Variants in LGR4 observed in about 807,000 individuals in gnomAD.
The protein encoded by LGR4 is leucine rich repeat containing G protein-coupled receptor 4.
In LGR4, 44 loss-of-function variants were observed where a neutral mutation model predicts 84.8. The observed-to-expected ratio is 0.52, with a 90% CI of 0.41 to 0.67. The LOEUF (loss-of-function observed/expected upper bound fraction) is 0.67. Ranked by LOEUF, LGR4 falls within the 30% of genes least tolerant of loss-of-function variation. LGR4 has a pLI of 0.00. For missense variants in LGR4, 1,032 were observed against 1,131.4 expected (o/e 0.91, Z 1.26); for synonymous variants, 429 against 434.3 (o/e 0.99, Z 0.15).
At chr11:27,423,720 T>G (rs1341164574) in intron 1 of LGR4, among the ~76,000 whole-genome samples, 1 of 152,196 alleles carries the variant, frequency 6.6e-6, no homozygotes, top group Non-Finnish European at 1.5e-5. Flanking sequence ...GTCCTGAATC[T>G]TGGGGAGCAA....
At chr11:27,426,237 G>A (rs1480691012) in intron 1 of LGR4, among the ~76,000 whole-genome samples, 1 of 152,164 alleles carries the variant, frequency 6.6e-6, no homozygotes, top group African/African-American at 2.4e-5. Context: ...GAGCGTTAAC[G>A]ACAGATTTCC....
chr11:27,426,809 A>G (rs1864031372), intron 1 of LGR4, among the ~76,000 whole-genome samples: 1 of 152,216 alleles, frequency 6.6e-6, no homozygotes, highest in Non-Finnish European at 1.5e-5. Context: ...TCAGACTCCA[A>G]ATGATAAATC....
intron 2 of LGR4, among the ~76,000 whole-genome samples, 169 bp from the exon 3 acceptor site, chr11:27,392,687 T>C (rs1863308415): frequency 6.6e-6 from 1 of 152,174 alleles, no homozygotes; most frequent in Non-Finnish European, 1.5e-5. Context: ...CTGTGAATCT[T>C]CCAATGAGAT....
At chr11:27,465,984 T>G (rs1462672927) in intron 1 of LGR4, among the ~76,000 whole-genome samples, 2 of 152,228 alleles carry the variant, frequency 1.3e-5, no homozygotes, top group Non-Finnish European at 2.9e-5. Context: ...GTCATCCATA[T>G]TCTTTTATGT....
intron 2 of LGR4, among the ~76,000 whole-genome samples, chr11:27,408,231 T>C (rs1002145445): frequency 4.6e-5 from 7 of 152,148 alleles, no homozygotes; most frequent in Non-Finnish European, 8.8e-5. Context: ...TAGCCCCGTT[T>C]GGTAAAGTAG....
chr11:27,428,765 A>G (rs747570114), intron 1 of LGR4, among the ~76,000 whole-genome samples: 3 of 152,142 alleles, frequency 2.0e-5, no homozygotes, highest in Non-Finnish European at 4.4e-5. Context: ...TTTTTTTACG[A>G]CATAGGCTCT....
chr11:27,427,450 A>G (rs11029998), intron 1 of LGR4, among the ~76,000 whole-genome samples: 36,931 of 152,070 alleles, frequency 0.24, 7,550 homozygotes, highest in African/African-American at 0.56. Flanking sequence ...GTTATGGGGC[A>G]GCACATTGGC....
At chr11:27,463,067 CAAAAAAAAAAAA>C (rs35718980) in intron 1 of LGR4, among the ~76,000 whole-genome samples, 7 of 51,038 alleles carry the variant, frequency 1.4e-4, no homozygotes, top group Admixed American at 7.1e-4. Context: ...ACCCTGTCTC[CAAAAAAAAAAAA>C]AAAAAAAAAA....
At chr11:27,408,782 A>C (rs1863658092) in intron 2 of LGR4, among the ~76,000 whole-genome samples, 1 of 152,182 alleles carries the variant, frequency 6.6e-6, no homozygotes, top group Non-Finnish European at 1.5e-5. Flanking sequence ...TGCAATGTTT[A>C]AGATGATTAG....
chr11:27,380,260 G>A lies in LGR4; in HGVS notation c.971+11C>T, dbSNP rs1721834900. On this transcript the variant is annotated intron_variant, in intron 10 of 17. Transcript: ENST00000379214. ...TCTTTATACAACCCCTCTTCAAAGG[G>A]CCTTACTTACAGACTTTCCAGGTGG... The A allele has an allele frequency of 6.3e-7, 1 of 1,580,182 alleles. No individual in the cohort carries two copies. Among genetic ancestry groups the A allele is most frequent in the African/African-American group, 1.4e-5 (1 of 73,902 alleles).
rs976590218 is a variant in LGR4, at chr11:27,451,844, T to C, written c.185+20274A>G. The stretch of plus-strand genomic sequence containing the variant: ...CCAAGCACTCAGTAATAAAATACTT[T>C]CATAATAGGAGAGCCATGTCCATTC... On this transcript the variant is annotated intron_variant, in intron 1 of 17. Coordinates refer to ENST00000379214, the MANE Select transcript of LGR4 (RefSeq NM_018490.5). Among the ~76,000 whole-genome samples, 3 of 152,226 alleles carry C rather than the reference T, an allele frequency of 2.0e-5. No individual in the cohort carries two copies. The East Asian group carries it at 5.8e-4, about 29-fold the overall frequency.
intron 2 of LGR4, among the ~76,000 whole-genome samples, chr11:27,393,187 C>T (rs1219416279): frequency 2.6e-5 from 4 of 152,070 alleles, no homozygotes; most frequent in African/African-American, 9.7e-5. Context: ...CATACTGAGC[C>T]CTACTTTTCC....
intron 1 of LGR4, among the ~76,000 whole-genome samples, chr11:27,432,590 C>T (rs1245688438): frequency 6.6e-6 from 1 of 152,142 alleles, no homozygotes; most frequent in East Asian, 1.9e-4. Context: ...TCTGGATATA[C>T]CTAGAACTTA....
At chr11:27,448,993 A>T (rs1450853882) in intron 1 of LGR4, among the ~76,000 whole-genome samples, 1 of 152,190 alleles carries the variant, frequency 6.6e-6, no homozygotes, top group Non-Finnish European at 1.5e-5. Context: ...TTTTCTATGG[A>T]AGTATGCAAA....
chr11:27,457,030 T>C lies in LGR4; in HGVS notation c.185+15088A>G, dbSNP rs76195341. Among the ~76,000 whole-genome samples, 798 of 152,212 alleles carry C rather than the reference T, an allele frequency of 5.2e-3. 7 individuals carry two copies. The highest frequency in any genetic ancestry group is 0.015 in the African/African-American group (637 of 41,478). Reference sequence around the variant, plus strand: ...TCCTCTTCTGATAAATTGTCAAATATCTAAGCAAACTACAGGGATGAGCAA... The same window carrying C: ...TCCTCTTCTGATAAATTGTCAAATACCTAAGCAAACTACAGGGATGAGCAA... On this transcript the variant is annotated intron_variant, in intron 1 of 17. Transcript: ENST00000379214.
rs559256816 is a variant in LGR4 at position 27,443,069 on chromosome 11, T to G, written c.185+29049A>C. On this transcript the variant is annotated intron_variant, in intron 1 of 17. Coordinates refer to ENST00000379214, the MANE Select transcript of LGR4 (RefSeq NM_018490.5). Reference sequence around the variant, plus strand: ...AGGATGAAACTGAGGCTCAGAAAGGTTAAGAAACTTGCCCAAGGAAACACT... The same window carrying G: ...AGGATGAAACTGAGGCTCAGAAAGGGTAAGAAACTTGCCCAAGGAAACACT... Among the ~76,000 whole-genome samples, 11 of 152,158 alleles carry G rather than the reference T, an allele frequency of 7.2e-5. No individual in the cohort carries two copies. The East Asian group carries it at 2.1e-3, about 29-fold the overall frequency.
At chr11:27,379,568 T>G (rs909789784) in intron 10 of LGR4, among the ~76,000 whole-genome samples, 1 of 152,198 alleles carries the variant, frequency 6.6e-6, no homozygotes, top group African/African-American at 2.4e-5. Flanking sequence ...TTGTCACATG[T>G]GACCATTGTA....
chr11:27,377,094 T>C (rs1226039492), intron 12 of LGR4, 64 bp downstream of exon 12: 2 of 919,578 alleles, frequency 2.2e-6, no homozygotes, highest in Admixed American at 4.6e-5. Flanking sequence ...CTATTAAAAA[T>C]ACGAAATGCT....
chr11:27,385,473 C>A lies in LGR4; in HGVS notation c.402-5G>T. 2 of 1,582,232 alleles carry A rather than the reference C, an allele frequency of 1.3e-6. No individual in the cohort carries two copies. Among genetic ancestry groups the A allele is most frequent in the African/African-American group, 1.3e-5 (1 of 74,228 alleles). ...ATATGGTTGGCATCTAAACGCCTAACAGAAACAAAAACAACCATGTTCAGT... is the reference window on the plus strand; with the variant it reads ...ATATGGTTGGCATCTAAACGCCTAAAAGAAACAAAAACAACCATGTTCAGT... On this transcript the variant is annotated splice_region_variant and splice_polypyrimidine_tract_variant and intron_variant, in intron 4 of 17. Transcript: ENST00000379214.
Sources: gnomAD v4.1 joint callset for allele counts (sites outside exome capture counted in the v4.1 genomes callset) on GRCh38, gnomAD v4.1.1 for gene constraint, MANE v1.5 for transcripts, NCBI Gene and HGNC (gene_info 2026-07-23, HGNC 2026-07-21) for gene names.